The following SEC24D variants were observed in gnomAD, a reference collection of about 807,000 sequenced individuals.
SEC24D encodes the protein protein transport protein Sec24D.
SEC24D carries 69 observed loss-of-function variants against 116.9 expected under a neutral mutation model. That is an observed-to-expected ratio of 0.59 (90% CI 0.49 to 0.72). SEC24D has a LOEUF of 0.72. Among genes scored for constraint, SEC24D ranks in the 30% least tolerant of loss-of-function variants. SEC24D has a pLI of 0.00. For synonymous variants in SEC24D, 405 were observed against 442.8 expected, an observed-to-expected ratio of 0.91 and a Z score of 1.07; for missense variants, 1,131 against 1,264.1, an observed-to-expected ratio of 0.89 and a Z score of 1.60.
intron 21 of SEC24D, chr4:118,730,139 T>C (rs1348619431): frequency 6.6e-6 from 1 of 152,246 alleles, no homozygotes; most frequent in East Asian, 1.9e-4. Context: ...TCAGCAACTA[T>C]GCATTCAGCA....
intron 22 of SEC24D, among the ~76,000 whole-genome samples, chr4:118,728,179 GATTATAA>G (rs1472629968): frequency 6.6e-6 from 1 of 152,172 alleles, no homozygotes; most frequent in Non-Finnish European, 1.5e-5. Flanking sequence ...ACTTTTCAGA[GATTATAA>G]ATTAAACATT....
chr4:118,739,359 G>T, intron 17 of SEC24D, 72 bp from the exon 18 acceptor site: 1 of 1,452,966 alleles, frequency 6.9e-7, no homozygotes, highest in Non-Finnish European at 9.4e-7. Context: ...GATCTTACTT[G>T]CATTTACAAA....
Position 118,802,950 on chromosome 4 carries a change from T to C in SEC24D, c.913+2893A>G, listed in dbSNP as rs141180249. Among the ~76,000 whole-genome samples the C allele has an allele frequency of 4.6e-4, 70 of 152,278 alleles. No homozygotes were observed. The South Asian group carries it at 7.3e-3, about 16-fold the overall frequency. On this transcript the variant is annotated intron_variant, in intron 7 of 22. Transcript: ENST00000280551. The stretch of plus-strand genomic sequence containing the variant: ...ATTCTGATATACGCTACAAGGTAGA[T>C]GAACCTTGAAAATATTATACTAAGT...
intron 13 of SEC24D, among the ~76,000 whole-genome samples, chr4:118,745,670 A>T (rs971212418): frequency 6.6e-6 from 1 of 152,224 alleles, no homozygotes; most frequent in Non-Finnish European, 1.5e-5. Flanking sequence ...AAGCTCCATG[A>T]CAGTCAAGTC....
At chr4:118,796,148 G>A (rs931218639) in intron 8 of SEC24D, among the ~76,000 whole-genome samples, 2 of 152,168 alleles carry the variant, frequency 1.3e-5, no homozygotes, top group Non-Finnish European at 2.9e-5. Flanking sequence ...CAGGGATATA[G>A]GTGTTCACTA....
intron 8 of SEC24D, among the ~76,000 whole-genome samples, chr4:118,768,675 G>A (rs974143441): frequency 2.6e-5 from 4 of 152,182 alleles, no homozygotes; most frequent in East Asian, 3.9e-4. Context: ...GATTACAGGC[G>A]TAAGCCACTG....
At chr4:118,726,662 T>G (rs2110424726) in intron 22 of SEC24D, among the ~76,000 whole-genome samples, 1 of 152,124 alleles carries the variant, frequency 6.6e-6, no homozygotes, top group East Asian at 1.9e-4. Context: ...AAAATACAAG[T>G]GGAAGGAGAG....
intron 8 of SEC24D, among the ~76,000 whole-genome samples, chr4:118,793,037 G>C (rs1729002615): frequency 6.6e-6 from 1 of 152,162 alleles, no homozygotes; most frequent in Admixed American, 6.5e-5. Context: ...GTGGAAAGAA[G>C]ATCCCAAGTT....
In SEC24D at chr4:118,827,442, C is replaced by A. The variant is rs77257778; in HGVS notation, c.119-2693G>T. On this transcript the variant is annotated intron_variant, in intron 2 of 22. Transcript: ENST00000280551. ...AATGAACTGTTCTTAAGACACCCCC[C>A]ACCAAAAAAAATCTAAGATCACAAG... 6.1e-3 allele frequency among the ~76,000 whole-genome samples: 934 copies of A among 152,192 alleles called. 9 individuals carry two copies. The highest frequency in any genetic ancestry group is 0.022 in the African/African-American group (895 of 41,514).
Position 118,740,950 on chromosome 4 carries a change from T to C in SEC24D, c.2083A>G (p.Thr695Ala), listed in dbSNP as rs1472553476. Residue 695 changes from threonine (T) to alanine (A), a missense_variant, in exon 16 of 23, where the codon ACC becomes GCC. Physicochemically the swap from Thr to Ala is moderately conservative, Grantham distance 58. Coordinates refer to ENST00000280551, the MANE Select transcript of SEC24D (RefSeq NM_014822.4). The stretch of plus-strand genomic sequence containing the variant: ...TATAAATGATAATTACCTGTGCTGG[T>C]ACGAACCCTCATAATAGCATCAAAG... ...IGFDAIMRVR[T>A]STGFRATDFF... is the part of the protein sequence containing the mutation. 1 of 1,600,764 alleles carries C rather than the reference T, an allele frequency of 6.2e-7. No homozygotes were observed. The highest frequency in any genetic ancestry group is 1.1e-5 in the South Asian group (1 of 89,534).
At chr4:118,833,328 T>A in intron 2 of SEC24D, 1 of 337,116 alleles carries the variant, frequency 3.0e-6, no homozygotes, top group Non-Finnish European at 5.3e-6. Context: ...AGAACAAGAC[T>A]CACAGTAAAA....
chr4:118,724,661 G>A (rs1326051199), intron 22 of SEC24D, among the ~76,000 whole-genome samples: 1 of 152,104 alleles, frequency 6.6e-6, no homozygotes, highest in Admixed American at 6.5e-5. Context: ...GAAACCCACA[G>A]GGAAGAAGCC....
intron 8 of SEC24D, among the ~76,000 whole-genome samples, chr4:118,793,294 C>T (rs1729017512): frequency 6.6e-6 from 1 of 151,230 alleles, no homozygotes; most frequent in South Asian, 2.1e-4. Context: ...GGTGAAACCC[C>T]GTCTCTACTA....
At chr4:118,787,474 T>C (rs1021351644) in intron 8 of SEC24D, among the ~76,000 whole-genome samples, 1 of 152,242 alleles carries the variant, frequency 6.6e-6, no homozygotes, top group Non-Finnish European at 1.5e-5. Flanking sequence ...ATTTAGGCTA[T>C]ACATGAAAAT....
intron 5 of SEC24D, 78 bp from the exon 6 acceptor site, chr4:118,815,233 T>C: frequency 2.0e-6 from 3 of 1,531,540 alleles, no homozygotes; most frequent in Non-Finnish European, 2.7e-6. Flanking sequence ...TATTATGCTG[T>C]TCAGTCAAGC....
intron 11 of SEC24D, among the ~76,000 whole-genome samples, chr4:118,753,184 T>C (rs1408808928): frequency 6.6e-6 from 1 of 152,114 alleles, no homozygotes; most frequent in African/African-American, 2.4e-5. Flanking sequence ...TAGAAAACAA[T>C]AATGCTTTTT....
chr4:118,780,295 A>AT (rs1338965715), intron 8 of SEC24D, among the ~76,000 whole-genome samples: 2 of 152,074 alleles, frequency 1.3e-5, no homozygotes, highest in Non-Finnish European at 2.9e-5. Flanking sequence ...ATTCTGGCAC[A>AT]TTGTGTCTTT....
At chr4:118,824,901 C>A (rs567395481) in intron 2 of SEC24D, 152 bp from the exon 3 acceptor site, 7 of 588,308 alleles carry the variant, frequency 1.2e-5, no homozygotes, top group African/African-American at 1.1e-4. Context: ...CACCTACAGA[C>A]CTGTCAATAC....
chr4:118,766,873 C>T (rs1295247558), intron 9 of SEC24D: 1 of 152,116 alleles, frequency 6.6e-6, no homozygotes, highest in African/African-American at 2.4e-5. Context: ...ATCCAGGTCC[C>T]AAGACTGAAT....
Sources: allele counts gnomAD v4.1 joint callset (sites outside exome capture counted in the v4.1 genomes callset), GRCh38; gene constraint gnomAD v4.1.1; transcripts MANE v1.5; gene names NCBI Gene and HGNC (gene_info 2026-07-23, HGNC 2026-07-21).